The following EPHA4 variants were observed in gnomAD, a reference collection of about 807,000 sequenced individuals.
EPHA4 encodes the protein EPH receptor A4, also known as ephrin type-A receptor 4.
EPHA4 carries 19 observed loss-of-function variants against 108.3 expected under a neutral mutation model. The ratio of observed to expected loss-of-function variants is 0.18; its 90% confidence interval spans 0.12 to 0.26. The LOEUF (loss-of-function observed/expected upper bound fraction) is 0.26. Ranked by LOEUF, EPHA4 falls within the 10% of genes least tolerant of loss-of-function variation. EPHA4 has a pLI of 1.00. For synonymous variants in EPHA4, 449 were observed against 455.5 expected, an observed-to-expected ratio of 0.99 and a Z score of 0.18; for missense variants, 917 against 1,254.0, an observed-to-expected ratio of 0.73 and a Z score of 4.06.
chr2:221,504,265 C>T (rs7598307), intron 3 of EPHA4, among the ~76,000 whole-genome samples: 115,898 of 152,088 alleles, frequency 0.76, 44,970 homozygotes, highest in East Asian at 1. Flanking sequence ...TTAGTTCACA[C>T]GTATGATGCA....
At chr2:221,486,018 G>A (rs2106144573) in intron 4 of EPHA4, among the ~76,000 whole-genome samples, 1 of 152,310 alleles carries the variant, frequency 6.6e-6, no homozygotes, top group South Asian at 2.1e-4. Flanking sequence ...ATTTATGTAA[G>A]TATTGTGTCT....
At chr2:221,473,740 C>G (rs988657363) in intron 5 of EPHA4, among the ~76,000 whole-genome samples, 1 of 151,930 alleles carries the variant, frequency 6.6e-6, no homozygotes, top group Non-Finnish European at 1.5e-5. Flanking sequence ...AATTTAGAAG[C>G]CCATTGGAAA....
chr2:221,546,454 T>A (rs1293774735), intron 3 of EPHA4, among the ~76,000 whole-genome samples: 1 of 151,910 alleles, frequency 6.6e-6, no homozygotes, highest in African/African-American at 2.4e-5. Flanking sequence ...TTTTTTATTT[T>A]TATCAGTTTT....
intron 3 of EPHA4, among the ~76,000 whole-genome samples, chr2:221,561,269 A>T (rs962415361): frequency 6.6e-5 from 10 of 151,946 alleles, no homozygotes; most frequent in African/African-American, 2.4e-4. Context: ...AAATAAATAA[A>T]TAAAGTCTCA....
rs1559297363 is a variant in EPHA4 at position 221,566,948 on chromosome 2, AGGAGAAGGG to A, written c.159+1761_159+1769del. On this transcript the variant is annotated intron_variant, in intron 2 of 17. Coordinates refer to ENST00000281821, the MANE Select transcript of EPHA4 (RefSeq NM_004438.5). ...AAGGAGAAGGAGAAGGAGAAGGAGA[AGGAGAAGGG>A]GAAGAGGAAGAGGAAGAAGAAGAAG... Among the ~76,000 whole-genome samples, 23 of 62,920 alleles carry A rather than the reference AGGAGAAGGG, an allele frequency of 3.7e-4. 10 individuals carry two copies. The highest frequency in any genetic ancestry group is 2.2e-3 in the African/African-American group (23 of 10,598). 41.3% of individuals were successfully genotyped at this position (62,920 alleles called of 152,430 possible). A position where few individuals can be genotyped will look rare whatever the true frequency, so the allele number is the denominator to read the frequency against.
At chr2:221,490,658 C>T (rs748365118) in intron 4 of EPHA4, among the ~76,000 whole-genome samples, 1 of 152,182 alleles carries the variant, frequency 6.6e-6, no homozygotes, top group Non-Finnish European at 1.5e-5. Flanking sequence ...AGCACTTCAG[C>T]GTCTTAGCTG....
chr2:221,556,481 T>A (rs1694305312), intron 3 of EPHA4, among the ~76,000 whole-genome samples: 1 of 151,238 alleles, frequency 6.6e-6, no homozygotes, highest in Non-Finnish European at 1.5e-5. Flanking sequence ...ATTTTTTTTT[T>A]TTTTTTTTTT....
Position 221,499,715 on chromosome 2 carries a change from AATATAT to A in EPHA4, c.979+1296_979+1301del, listed in dbSNP as rs369326575. On this transcript the variant is annotated intron_variant, in intron 4 of 17. Coordinates refer to ENST00000281821, the MANE Select transcript of EPHA4 (RefSeq NM_004438.5). ...AATAGTCATAATGATAACTAAAACT[AATATAT>A]ATATATATATATATATATATATATA... Among the ~76,000 whole-genome samples the A allele has an allele frequency of 6.0e-3, 289 of 48,434 alleles. 13 individuals are homozygous for A. Among genetic ancestry groups the A allele is most frequent in the African/African-American group, 0.013 (153 of 12,224 alleles). The allele number at this position is 48,434 out of a possible 152,430, so 31.8% of individuals were successfully genotyped here.
chr2:221,447,685 C>T (rs902595141), intron 8 of EPHA4, among the ~76,000 whole-genome samples: 4 of 152,144 alleles, frequency 2.6e-5, no homozygotes, highest in African/African-American at 7.2e-5. Flanking sequence ...ATCTCCTTCC[C>T]TAACTGTTTG....
At chr2:221,572,512 G>T (rs1470108527), upstream of EPHA4, 6 of 124,454 alleles carry the variant, frequency 4.8e-5, no homozygotes, top group Middle Eastern at 1.6e-3. Context: ...GGCGAGCACG[G>T]CCGGTCCCCG....
At chr2:221,486,752 A>ATAG (rs1553577439) in intron 4 of EPHA4, among the ~76,000 whole-genome samples, 3 of 147,690 alleles carry the variant, frequency 2.0e-5, no homozygotes, top group Non-Finnish European at 4.5e-5. Context: ...AATAATAATA[A>ATAG]TAATAATAAT....
At chr2:221,465,940 C>T (rs1157274551) in intron 5 of EPHA4, among the ~76,000 whole-genome samples, 1 of 152,176 alleles carries the variant, frequency 6.6e-6, no homozygotes, top group Non-Finnish European at 1.5e-5. Flanking sequence ...GTACTGTGGC[C>T]CACAGAAGAT....
intron 3 of EPHA4, among the ~76,000 whole-genome samples, chr2:221,555,673 A>G (rs1694283827): frequency 6.6e-6 from 1 of 152,158 alleles, no homozygotes; most frequent in Non-Finnish European, 1.5e-5. Flanking sequence ...TACAGGGAGA[A>G]AGCTTTTATG....
At chr2:221,499,493 T>C (rs1271897482) in intron 4 of EPHA4, among the ~76,000 whole-genome samples, 1 of 149,158 alleles carries the variant, frequency 6.7e-6, no homozygotes, top group Non-Finnish European at 1.5e-5. Flanking sequence ...TCTCTCATTA[T>C]GAAAGAAACT....
chr2:221,440,480 T>G (rs1009187911), intron 11 of EPHA4, among the ~76,000 whole-genome samples: 4 of 152,190 alleles, frequency 2.6e-5, no homozygotes, highest in Non-Finnish European at 5.9e-5. Flanking sequence ...TGGGCGGCCC[T>G]GAAGGCCACA....
In EPHA4 at chr2:221,568,949, A is replaced by G. The variant is rs570138534; in HGVS notation, c.92-164T>C. On this transcript the variant is annotated intron_variant, in intron 1 of 17. Coordinates refer to ENST00000281821, the MANE Select transcript of EPHA4 (RefSeq NM_004438.5). Reference sequence around the variant, plus strand: ...TATGTAAATAATCATTACTCATTTGATCTTCTCCCCCTCTTTAAATCTGCA... The same window carrying G: ...TATGTAAATAATCATTACTCATTTGGTCTTCTCCCCCTCTTTAAATCTGCA... Among the ~76,000 whole-genome samples, 6 of 152,266 alleles carry G rather than the reference A, an allele frequency of 3.9e-5. No homozygotes were observed. The South Asian group carries it at 1.2e-3, about 32-fold the overall frequency.
chr2:221,420,836 C>G (rs752786790), intron 17 of EPHA4, among the ~76,000 whole-genome samples: 2 of 152,100 alleles, frequency 1.3e-5, no homozygotes, highest in Non-Finnish European at 2.9e-5. Flanking sequence ...AGACTAAGTA[C>G]CCTGCCCAAT....
chr2:221,489,026 G>A (rs890792743), intron 4 of EPHA4, among the ~76,000 whole-genome samples: 5 of 152,142 alleles, frequency 3.3e-5, no homozygotes, highest in Admixed American at 3.3e-4. Context: ...TGAAATCTGT[G>A]TGAGCCTTAA....
chr2:221,569,788 G>T (rs1015980076), intron 1 of EPHA4, among the ~76,000 whole-genome samples: 1 of 152,012 alleles, frequency 6.6e-6, no homozygotes, highest in African/African-American at 2.4e-5. Context: ...GTGCTCATGC[G>T]CACCCCAACA....
Sources: gnomAD v4.1 joint callset for allele counts (sites outside exome capture counted in the v4.1 genomes callset) on GRCh38, gnomAD v4.1.1 for gene constraint, MANE v1.5 for transcripts, NCBI Gene and HGNC (gene_info 2026-07-23, HGNC 2026-07-21) for gene names.